The following POU6F2 variants were observed in gnomAD, a reference collection of about 807,000 sequenced individuals.
The protein encoded by POU6F2 is POU class 6 homeobox 2, also known as POU domain, class 6, transcription factor 2.
In POU6F2, 31 loss-of-function variants were observed where a neutral mutation model predicts 71.3. The ratio of observed to expected loss-of-function variants is 0.43; its 90% CI spans 0.33 to 0.59. The LOEUF is 0.59. Ranked by LOEUF, POU6F2 falls within the 20% of genes least tolerant of loss-of-function variation. POU6F2 has a pLI of 0.04. For missense variants in POU6F2, 783 were observed against 856.8 expected, an observed-to-expected ratio of 0.91 and a Z score of 1.07; for synonymous variants, 347 against 355.7, an observed-to-expected ratio of 0.98 and a Z score of 0.27.
At chr7:39,447,214 A>G (rs1788544970) in intron 7 of POU6F2, among the ~76,000 whole-genome samples, 1 of 152,140 alleles carries the variant, frequency 6.6e-6, no homozygotes. Flanking sequence ...CCAGAAAAAT[A>G]TTTGAAATTT....
At chr7:39,372,295 T>C (rs1583557412) in intron 5 of POU6F2, among the ~76,000 whole-genome samples, 1 of 152,236 alleles carries the variant, frequency 6.6e-6, no homozygotes, top group East Asian at 1.9e-4. Flanking sequence ...AAACTCATAA[T>C]AATAGGAATT....
At chr7:39,262,813 A>C (rs2128754871) in intron 4 of POU6F2, among the ~76,000 whole-genome samples, 1 of 152,316 alleles carries the variant, frequency 6.6e-6, no homozygotes, top group Non-Finnish European at 1.5e-5. Flanking sequence ...AATGCATTGG[A>C]ACCTATAACA....
intron 2 of POU6F2, among the ~76,000 whole-genome samples, chr7:39,141,604 T>C (rs1792503444): frequency 6.6e-6 from 1 of 152,344 alleles, no homozygotes; most frequent in South Asian, 2.1e-4. Flanking sequence ...AACTTATCTA[T>C]AGTTCCAAAA....
chr7:39,006,964 C>G (rs1584493553), intron 1 of POU6F2: 1 of 1,281,068 alleles, frequency 7.8e-7, no homozygotes, highest in East Asian at 2.3e-5. Context: ...AAATAATTGT[C>G]ATGTTTCCTT....
chr7:39,409,699 C>A (rs1317622239), intron 6 of POU6F2, among the ~76,000 whole-genome samples: 1 of 151,924 alleles, frequency 6.6e-6, no homozygotes. Flanking sequence ...AGATGTCCAC[C>A]CCACGTGGGG....
chr7:39,363,645 G>GGGTGCTCCAGGGTCCAGTACTTGAA (rs1786439222), intron 5 of POU6F2, among the ~76,000 whole-genome samples: 1 of 148,706 alleles, frequency 6.7e-6, no homozygotes, highest in Non-Finnish European at 1.5e-5. Context: ...AGAGAAATTG[G>GGGTGCTCCAGGGTCCAGTACTTGAA]CCTACGAGAT....
intron 4 of POU6F2, among the ~76,000 whole-genome samples, chr7:39,283,051 G>A (rs573945313): frequency 5.3e-5 from 8 of 152,050 alleles, no homozygotes; most frequent in African/African-American, 9.6e-5. Flanking sequence ...TATTGTTAAC[G>A]GGATTGCTTT....
At chr7:39,173,526 T>C (rs1041896477) in intron 2 of POU6F2, among the ~76,000 whole-genome samples, 15 of 152,156 alleles carry the variant, frequency 9.9e-5, no homozygotes, top group Non-Finnish European at 1.6e-4. Flanking sequence ...GATCCTACTC[T>C]AACTTAACCA....
chr7:39,254,935 G>A (rs780886860), intron 4 of POU6F2, among the ~76,000 whole-genome samples: 11 of 152,116 alleles, frequency 7.2e-5, no homozygotes, highest in African/African-American at 1.7e-4. Flanking sequence ...GAACTCACCC[G>A]GGTCATTTGA....
intron 4 of POU6F2, among the ~76,000 whole-genome samples, chr7:39,213,795 C>T (rs529787973): frequency 2.0e-5 from 3 of 152,290 alleles, no homozygotes; most frequent in Non-Finnish European, 2.9e-5. Flanking sequence ...TTCCAACATC[C>T]CAGTGGGCAG....
At chr7:39,447,731 C>T (rs1037320812) in intron 7 of POU6F2, among the ~76,000 whole-genome samples, 6 of 152,128 alleles carry the variant, frequency 3.9e-5, no homozygotes, top group Non-Finnish European at 8.8e-5. Context: ...AGGAAAGAAA[C>T]TTTTTCTTCT....
intron 2 of POU6F2, among the ~76,000 whole-genome samples, chr7:39,141,950 G>A (rs1792512952): frequency 6.6e-6 from 1 of 152,008 alleles, no homozygotes. Context: ...AGCCAGGTGG[G>A]GTGGCCCACA....
At chr7:39,079,560 G>GC (rs1418990228) in intron 1 of POU6F2, among the ~76,000 whole-genome samples, 1 of 152,142 alleles carries the variant, frequency 6.6e-6, no homozygotes, top group African/African-American at 2.4e-5. Flanking sequence ...TCATGGTCCT[G>GC]CCAGTAATTA....
intron 1 of POU6F2, among the ~76,000 whole-genome samples, chr7:38,982,161 C>A (rs891294625): frequency 6.6e-6 from 1 of 152,076 alleles, no homozygotes; most frequent in East Asian, 1.9e-4. Context: ...CTGGGGCTAA[C>A]CTAACCCTGT....
intron 1 of POU6F2, among the ~76,000 whole-genome samples, chr7:39,012,343 C>T (rs1789317812): frequency 2.0e-5 from 3 of 152,060 alleles, no homozygotes; most frequent in African/African-American, 4.8e-5. Flanking sequence ...GCATTCTTCA[C>T]GTAGTTCTCG....
At chr7:39,192,339 T>A (rs1793686564) in intron 2 of POU6F2, among the ~76,000 whole-genome samples, 1 of 152,218 alleles carries the variant, frequency 6.6e-6, no homozygotes, top group Non-Finnish European at 1.5e-5. Flanking sequence ...TTTAAGGGAT[T>A]TAAAATTTTC....
intron 2 of POU6F2, among the ~76,000 whole-genome samples, chr7:39,157,079 A>G (rs1398155860): frequency 1.3e-5 from 2 of 152,186 alleles, no homozygotes; most frequent in African/African-American, 4.8e-5. Flanking sequence ...ATTGTGTTTT[A>G]CAGCCTGTAA....
chr7:39,276,043 T>C (rs1355316621), intron 4 of POU6F2, among the ~76,000 whole-genome samples: 3 of 152,026 alleles, frequency 2.0e-5, no homozygotes, highest in Non-Finnish European at 4.4e-5. Flanking sequence ...AAAGCCAAAA[T>C]TGACAAATGG....
At chr7:39,121,620 A>G (rs1384583191) in intron 2 of POU6F2, among the ~76,000 whole-genome samples, 3 of 152,180 alleles carry the variant, frequency 2.0e-5, no homozygotes, top group African/African-American at 7.2e-5. Context: ...AACTTTTTTC[A>G]GAAATTTGTA....
Sources: gnomAD v4.1 joint callset for allele counts (sites outside exome capture counted in the v4.1 genomes callset) on GRCh38, gnomAD v4.1.1 for gene constraint, MANE v1.5 for transcripts, NCBI Gene and HGNC (gene_info 2026-07-23, HGNC 2026-07-21) for gene names.